ESS2: variants seen among roughly 807,000 people sequenced by gnomAD.
ESS2 encodes ess-2 spliceosome associated protein, also known as splicing factor ESS-2 homolog.
Under a neutral mutation model 52.0 loss-of-function variants are expected in ESS2, and 31 were observed. The ratio of observed to expected loss-of-function variants is 0.60; its 90% CI spans 0.45 to 0.81. The LOEUF is 0.81. ESS2 is among the 30% of genes least tolerant of loss of function. The pLI is 0.00. For missense variants in ESS2, 602 were observed against 637.2 expected (o/e 0.94, Z 0.59); for synonymous variants, 285 against 259.2 (o/e 1.10, Z -0.95).
At chr22:19,135,755 T>C (rs1229132292) in intron 8 of ESS2, among the ~76,000 whole-genome samples, 1 of 151,914 alleles carries the variant, frequency 6.6e-6, no homozygotes, top group Non-Finnish European at 1.5e-5. Context: ...AGGCTGGGAG[T>C]GGTGGCTCAC....
At chr22:19,141,812 A>C (rs1236698547) in intron 3 of ESS2, among the ~76,000 whole-genome samples, 1 of 152,030 alleles carries the variant, frequency 6.6e-6, no homozygotes, top group Non-Finnish European at 1.5e-5. Context: ...ACATGGCAAA[A>C]CCTCGTCTCT....
In ESS2 at chr22:19,142,906, G is replaced by A; in HGVS notation, c.136-12C>T. On this transcript the variant is annotated splice_polypyrimidine_tract_variant and intron_variant, in intron 1 of 9. Coordinates refer to ENST00000252137, the MANE Select transcript of ESS2 (RefSeq NM_022719.3). Reference sequence around the variant, plus strand: ...ACCGTCTGGAGGCCCTGCAAGGAGAGATCAGAATGAAAGTCAGAGGCCAGG... The same window carrying A: ...ACCGTCTGGAGGCCCTGCAAGGAGAAATCAGAATGAAAGTCAGAGGCCAGG... 6.2e-7 allele frequency: 1 copy of A among 1,608,530 alleles called. No homozygotes were observed. Among genetic ancestry groups the A allele is most frequent in the Non-Finnish European group, 8.5e-7 (1 of 1,177,472 alleles).
rs8140743 is a variant in ESS2, at chr22:19,132,132, T to A, written c.*2064A>T. The A allele has an allele frequency of 1.1e-5, 18 of 1,612,396 alleles. No individual in the cohort carries two copies. The highest frequency in any genetic ancestry group is 1.4e-5 in the Non-Finnish European group (17 of 1,178,906). The stretch of plus-strand genomic sequence containing the variant: ...GCGCTCCAAGAACCTGACCTGCGAG[T>A]GCAAGGACCTCATCTACCGCATGCT... On this transcript the variant is annotated 3_prime_UTR_variant, in exon 10 of 10. Transcript: ENST00000252137. The surrounding 1 kb of genome is among the most constrained non-coding windows in gnomAD (Gnocchi z 4.2).
chr22:19,140,413 G>A (rs908216181), intron 3 of ESS2, among the ~76,000 whole-genome samples: 3 of 152,132 alleles, frequency 2.0e-5, no homozygotes, highest in African/African-American at 7.2e-5. Flanking sequence ...AATCCCTGGG[G>A]CTCTCCCTCA....
chr22:19,139,696 C>G lies in ESS2; in HGVS notation c.604G>C (p.Glu202Gln). The G allele has an allele frequency of 6.2e-7, 1 of 1,614,228 alleles. No homozygotes were observed. The highest frequency in any genetic ancestry group is 1.7e-5 in the Admixed American group (1 of 60,030). Reference sequence around the variant, plus strand: ...TGGCTGCTCTCGATGGCCTGGTGCTCTGCTGACGGGAGTTCGAGATTATCT... The same window carrying G: ...TGGCTGCTCTCGATGGCCTGGTGCTGTGCTGACGGGAGTTCGAGATTATCT... ...QKDNLELPSAEHQAIESSQAS... is the reference protein window; with the variant it reads ...QKDNLELPSAQHQAIESSQAS... The change falls in exon 5 of 10, where the codon GAG becomes CAG. Residue 202 changes from glutamate to glutamine, a missense_variant. By Grantham distance (29) the Glu-to-Gln change is conservative (BLOSUM62 2). Transcript: ENST00000252137.
chr22:19,131,625 TA>T lies in ESS2; in HGVS notation c.*2570del. 6.2e-7 allele frequency: 1 copy of T among 1,614,092 alleles called. No homozygotes were observed. Among genetic ancestry groups the T allele is most frequent in the Non-Finnish European group, 8.5e-7 (1 of 1,180,036 alleles). On this transcript the variant is annotated 3_prime_UTR_variant, in exon 10 of 10. Coordinates refer to ENST00000252137, the MANE Select transcript of ESS2 (RefSeq NM_022719.3). The surrounding 1 kb of genome is among the most constrained non-coding windows in gnomAD (Gnocchi z 5.7). ...CAACCACGGCTCCATCATCAAGACT[TA>T]CGAGATCTTTGAGACCTCTGACGGA...
chr22:19,131,810 C>T lies in ESS2; in HGVS notation c.*2386G>A. ...ACCTGGACATCGTCCACCGGGACCT[C>T]AAGTGCGAGAACCTTCTCCTCGACA... is the stretch of plus-strand genomic sequence containing the variant. On this transcript the variant is annotated 3_prime_UTR_variant, in exon 10 of 10. Transcript: ENST00000252137. This position sits in a 1 kb window ranked among gnomAD's most constrained non-coding sequence, Gnocchi z 5.7. The T allele has an allele frequency of 4.3e-6, 7 of 1,614,212 alleles. No individual in the cohort carries two copies. The highest frequency in any genetic ancestry group is 5.9e-6 in the Non-Finnish European group (7 of 1,180,028).
chr22:19,144,325 C>T (rs911542265), intron 1 of ESS2, 181 bp downstream of exon 1: 1 of 1,404,870 alleles, frequency 7.1e-7, no homozygotes. Context: ...AACACTACTA[C>T]AGCCTCTTCC....
Position 19,142,898 on chromosome 22 carries a change from C to T in ESS2, c.136-4G>A, listed in dbSNP as rs1569113847. On this transcript the variant is annotated splice_region_variant and splice_polypyrimidine_tract_variant and intron_variant, in intron 1 of 9. Transcript: ENST00000252137. ...TTTGGATGACCGTCTGGAGGCCCTG[C>T]AAGGAGAGATCAGAATGAAAGTCAG... is the stretch of plus-strand genomic sequence containing the variant. 4.3e-6 allele frequency: 7 copies of T among 1,610,922 alleles called. No individual in the cohort carries two copies. The highest frequency in any genetic ancestry group is 1.1e-5 in the South Asian group (1 of 90,706).
intron 8 of ESS2, among the ~76,000 whole-genome samples, chr22:19,135,551 T>G (rs750913783): frequency 3.9e-5 from 6 of 152,232 alleles, no homozygotes; most frequent in African/African-American, 2.4e-5. Context: ...ATTTTCCTTT[T>G]CTGCTGCTGT....
chr22:19,139,765 G>A (rs376418842), intron 4 of ESS2, 36 bp from the exon 5 acceptor site: 54 of 1,613,684 alleles, frequency 3.3e-5, no homozygotes, highest in East Asian at 2.2e-5. Flanking sequence ...GGTCAGAGAT[G>A]CCCCTGGGCA....
At position 19,131,602 on chromosome 22, in the gene ESS2, A is replaced by G. The variant is rs148046883; in HGVS notation, c.*2594T>C. 1.9e-6 allele frequency: 3 copies of G among 1,614,038 alleles called. No individual in the cohort carries two copies. The African/African-American group carries it at 4.0e-5, about 22-fold the overall frequency. On this transcript the variant is annotated 3_prime_UTR_variant, in exon 10 of 10. Transcript: ENST00000252137. The surrounding 1 kb of genome is among the most constrained non-coding windows in gnomAD (Gnocchi z 5.7). ...GAGATGGACATCCTGGCAACTGTCA[A>G]CCACGGCTCCATCATCAAGACTTAC...
At position 19,131,389 on chromosome 22, in the gene ESS2, C is replaced by T. The variant is rs992763802; in HGVS notation, c.*2807G>A. Reference sequence around the variant, plus strand: ...ATGTAGACGGCAGCGGCGCCAGTCGCTCCTGGCACCATGGACGATGCCACA... The same window carrying T: ...ATGTAGACGGCAGCGGCGCCAGTCGTTCCTGGCACCATGGACGATGCCACA... On this transcript the variant is annotated 3_prime_UTR_variant, in exon 10 of 10. Transcript: ENST00000252137. The surrounding 1 kb of genome is among the most constrained non-coding windows in gnomAD (Gnocchi z 5.7). 1.3e-6 allele frequency: 2 copies of T among 1,584,494 alleles called. No individual in the cohort carries two copies. The highest frequency in any genetic ancestry group is 2.7e-5 in the African/African-American group (2 of 74,114).
rs140145367 is a variant in ESS2 at position 19,135,063 on chromosome 22, G to A, written c.1148C>T (p.Ala383Val). Reference sequence around the variant, plus strand: ...CACCAGCCAGGCGGCCCCTCACCTGGCCAGATTCTCCGTCACTCTCCGCAA... The same window carrying A: ...CACCAGCCAGGCGGCCCCTCACCTGACCAGATTCTCCGTCACTCTCCGCAA... ...EALRRVTENL[A>V]SLTPKGLSPA... is the part of the protein sequence containing the mutation. The change falls in exon 9 of 10, where the codon GCC (alanine) becomes GTC (valine). Residue 383 changes from alanine (A) to valine (V), a missense_variant. Coordinates refer to ENST00000252137, the MANE Select transcript of ESS2 (RefSeq NM_022719.3). The A allele has an allele frequency of 2.7e-5, 44 of 1,613,216 alleles. No individual in the cohort carries two copies. In the African/African-American group the frequency reaches 4.0e-4, roughly 15 times the overall value.
rs759018712 is a variant in ESS2, at chr22:19,131,399, C to T, written c.*2797G>A. The T allele has an allele frequency of 1.9e-6, 3 of 1,592,942 alleles. No homozygotes were observed. Among genetic ancestry groups the T allele is most frequent in the South Asian group, 1.1e-5 (1 of 87,978 alleles). The stretch of plus-strand genomic sequence containing the variant: ...CAGCGGCGCCAGTCGCTCCTGGCAC[C>T]ATGGACGATGCCACAGTCCTAAGGA... On this transcript the variant is annotated 3_prime_UTR_variant, in exon 10 of 10. Coordinates refer to ENST00000252137, the MANE Select transcript of ESS2 (RefSeq NM_022719.3). This position sits in a 1 kb window ranked among gnomAD's most constrained non-coding sequence, Gnocchi z 5.7.
chr22:19,140,999 T>C (rs2083676900), intron 3 of ESS2, among the ~76,000 whole-genome samples: 1 of 151,958 alleles, frequency 6.6e-6, no homozygotes, highest in African/African-American at 2.4e-5. Flanking sequence ...ATCTGCAAAC[T>C]GGCTAGGCAT....
At chr22:19,135,344 G>A (rs1444479842) in intron 8 of ESS2, among the ~76,000 whole-genome samples, 169 bp from the exon 9 acceptor site, 1 of 152,174 alleles carries the variant, frequency 6.6e-6, no homozygotes, top group Non-Finnish European at 1.5e-5. Flanking sequence ...AACCCCACCT[G>A]ACCTGCCCAA....
rs201930481 is a variant in ESS2 at position 19,131,532 on chromosome 22, C to T, written c.*2664G>A. On this transcript the variant is annotated 3_prime_UTR_variant, in exon 10 of 10. Coordinates refer to ENST00000252137, the MANE Select transcript of ESS2 (RefSeq NM_022719.3). This position sits in a 1 kb window ranked among gnomAD's most constrained non-coding sequence, Gnocchi z 5.7. Reference sequence around the variant, plus strand: ...CAATGTGGCTGTCAAGATCATCGACCGCAAGAAAACACCTACTGACTTTGT... The same window carrying T: ...CAATGTGGCTGTCAAGATCATCGACTGCAAGAAAACACCTACTGACTTTGT... 54 of 1,614,128 alleles carry T rather than the reference C, an allele frequency of 3.3e-5. No homozygotes were observed. The highest frequency in any genetic ancestry group is 3.5e-5 in the Non-Finnish European group (41 of 1,180,038).
Position 19,138,253 on chromosome 22 carries a change from C to G in ESS2, c.887G>C (p.Gly296Ala), listed in dbSNP as rs1376107867. ...AGGAGTGGCAACAAATCCAAATCCA[C>G]CCACTCGAGGGGACTCCTGGGGGAT... The part of the protein sequence containing the change: ...ELIPQESPRV[G>A]GFGFVATPSP... The change falls in exon 7 of 10, where the codon GGT (glycine) becomes GCT (alanine). Residue 296 changes from glycine (G) to alanine (A), a missense_variant. Coordinates refer to ENST00000252137, the MANE Select transcript of ESS2 (RefSeq NM_022719.3). 7.4e-6 allele frequency: 12 copies of G among 1,613,928 alleles called. No homozygotes were observed. The highest frequency in any genetic ancestry group is 2.5e-6 in the Non-Finnish European group (3 of 1,179,970).
Sources: gnomAD v4.1 joint callset for allele counts (sites outside exome capture counted in the v4.1 genomes callset) on GRCh38, gnomAD v4.1.1 for gene constraint, Gnocchi (gnomAD v3.1) non-coding constraint, MANE v1.5 for transcripts, NCBI Gene and HGNC (gene_info 2026-07-23, HGNC 2026-07-21) for gene names.